PXDNL: variants seen among roughly 807,000 people sequenced by gnomAD.
PXDNL encodes the protein peroxidasin like, also known as probable oxidoreductase PXDNL.
A neutral mutation model predicts 150.8 loss-of-function variants in PXDNL; 145 were observed. The ratio of observed to expected loss-of-function variants is 0.96; its 90% CI spans 0.84 to 1.10. The LOEUF is 1.10. PXDNL is among the 50% of genes least tolerant of loss of function. The pLI is 0.00. For missense variants in PXDNL, 2,087 were observed against 1,873.9 expected (o/e 1.11, Z -2.10); for synonymous variants, 757 against 725.7 (o/e 1.04, Z -0.69).
chr8:51,475,808 C>G (rs1810461111), intron 6 of PXDNL, among the ~76,000 whole-genome samples: 1 of 151,908 alleles, frequency 6.6e-6, no homozygotes, highest in Non-Finnish European at 1.5e-5. Context: ...TCCCCAGTGT[C>G]TATCGTTGTC....
chr8:51,598,887 G>T (rs1813631410), intron 2 of PXDNL, among the ~76,000 whole-genome samples: 1 of 145,482 alleles, frequency 6.9e-6, no homozygotes, highest in Non-Finnish European at 1.5e-5. Context: ...TTGGTTGACA[G>T]GTTTTTATTA....
chr8:51,689,076 T>G (rs935453602), intron 1 of PXDNL, among the ~76,000 whole-genome samples: 2 of 152,292 alleles, frequency 1.3e-5, no homozygotes, highest in East Asian at 3.9e-4. Context: ...ACAGGCGCAC[T>G]CCTGGGGCTG....
chr8:51,743,156 G>A (rs2036925059), intron 1 of PXDNL, among the ~76,000 whole-genome samples: 1 of 151,166 alleles, frequency 6.6e-6, no homozygotes, highest in South Asian at 2.1e-4. Flanking sequence ...ACACTACCTG[G>A]AAATCCACGT....
At chr8:51,488,909 CA>C (rs1238005541) in intron 5 of PXDNL, among the ~76,000 whole-genome samples, 1 of 152,120 alleles carries the variant, frequency 6.6e-6, no homozygotes, top group Non-Finnish European at 1.5e-5. Context: ...ACAATTATTA[CA>C]TGTACTCAGA....
chr8:51,471,816 A>G (rs1413758846), intron 8 of PXDNL, among the ~76,000 whole-genome samples: 1 of 151,680 alleles, frequency 6.6e-6, no homozygotes, highest in Non-Finnish European at 1.5e-5. Context: ...CCTCCCGAGT[A>G]GCTGGGACTA....
At chr8:51,581,106 G>T (rs1384678890) in intron 3 of PXDNL, among the ~76,000 whole-genome samples, 1 of 152,086 alleles carries the variant, frequency 6.6e-6, no homozygotes, top group Non-Finnish European at 1.5e-5. Flanking sequence ...CAGGAAATAG[G>T]AAGGAGTGAG....
chr8:51,556,760 T>G, intron 4 of PXDNL, 80 bp downstream of exon 4: 1 of 757,446 alleles, frequency 1.3e-6, no homozygotes, highest in Non-Finnish European at 2.3e-6. Context: ...ATTGTTCAAC[T>G]ATCACATAAT....
intron 4 of PXDNL, among the ~76,000 whole-genome samples, chr8:51,542,709 C>T (rs1482550510): frequency 6.6e-6 from 1 of 151,736 alleles, no homozygotes; most frequent in East Asian, 1.9e-4. Context: ...ACTCAGGAGG[C>T]TGAGGCAGGA....
At chr8:51,705,822 T>TGC (rs2130889476) in intron 1 of PXDNL, among the ~76,000 whole-genome samples, 1 of 67,734 alleles carries the variant, frequency 1.5e-5, no homozygotes, top group African/African-American at 7.5e-5. Context: ...TGTGTGTGTG[T>TGC]GTGTGTGTGT....
At chr8:51,747,006 G>A (rs1342876542) in intron 1 of PXDNL, among the ~76,000 whole-genome samples, 1 of 152,068 alleles carries the variant, frequency 6.6e-6, no homozygotes, top group Non-Finnish European at 1.5e-5. Flanking sequence ...TAAAGCGTGA[G>A]CCACTGTGCC....
At position 51,401,258 on chromosome 8, in the gene PXDNL, G is replaced by GA. The variant is rs905399988; in HGVS notation, c.3557+6808dup. The stretch of plus-strand genomic sequence containing the variant: ...AATACCCTTATAAAAGTATTGTTTA[G>GA]AAAAAAAATGTGATACTCAAAACCC... On this transcript the variant is annotated intron_variant, in intron 17 of 22. Transcript: ENST00000356297. Among the ~76,000 whole-genome samples the GA allele has an allele frequency of 4.6e-5, 7 of 151,938 alleles. No homozygotes were observed. In the East Asian group the frequency reaches 5.8e-4, roughly 13 times the overall value.
intron 1 of PXDNL, among the ~76,000 whole-genome samples, chr8:51,697,069 C>T (rs35365537): frequency 0.53 from 81,072 of 151,968 alleles, 26,340 homozygotes; most frequent in Non-Finnish European, 0.7. Flanking sequence ...TTTGGGAGGC[C>T]GAGGTGGCAG....
intron 1 of PXDNL, among the ~76,000 whole-genome samples, chr8:51,708,646 T>C (rs1305768028): frequency 6.6e-6 from 1 of 152,136 alleles, no homozygotes; most frequent in Non-Finnish European, 1.5e-5. Context: ...TGGAGACCCT[T>C]TGTAGGAATA....
At chr8:51,499,049 T>C (rs866509854) in intron 5 of PXDNL, among the ~76,000 whole-genome samples, 11 of 152,226 alleles carry the variant, frequency 7.2e-5, no homozygotes, top group African/African-American at 2.7e-4. Context: ...GAATTTCTGC[T>C]GTGCATGTTC....
At chr8:51,808,861 G>A (rs1360793302) in intron 1 of PXDNL, among the ~76,000 whole-genome samples, 2 of 152,160 alleles carry the variant, frequency 1.3e-5, no homozygotes, top group Non-Finnish European at 2.9e-5. Flanking sequence ...TGGGAGTAGA[G>A]GATGAATAGG....
At chr8:51,535,757 G>A (rs896424933) in intron 4 of PXDNL, among the ~76,000 whole-genome samples, 2 of 151,804 alleles carry the variant, frequency 1.3e-5, no homozygotes, top group Non-Finnish European at 2.9e-5. Flanking sequence ...AGTTTGAGAA[G>A]AACTGGTATG....
chr8:51,653,946 C>T (rs1018409970), intron 2 of PXDNL, among the ~76,000 whole-genome samples: 2 of 152,194 alleles, frequency 1.3e-5, no homozygotes, highest in African/African-American at 4.8e-5. Context: ...CATCATCTCT[C>T]ATAGGTCTCT....
intron 21 of PXDNL, among the ~76,000 whole-genome samples, chr8:51,323,421 T>A (rs1325937980): frequency 2.0e-5 from 3 of 152,068 alleles, no homozygotes; most frequent in Non-Finnish European, 4.4e-5. Context: ...CTGGAACCAC[T>A]GGTGTATGCC....
intron 3 of PXDNL, among the ~76,000 whole-genome samples, chr8:51,562,605 T>C (rs930974001): frequency 6.6e-6 from 1 of 152,008 alleles, no homozygotes; most frequent in Non-Finnish European, 1.5e-5. Flanking sequence ...AGGAGTGTTA[T>C]AGAGGGGAGC....
Sources: allele counts gnomAD v4.1 joint callset (sites outside exome capture counted in the v4.1 genomes callset), GRCh38; gene constraint gnomAD v4.1.1; transcripts MANE v1.5; gene names NCBI Gene and HGNC (gene_info 2026-07-23, HGNC 2026-07-21).